KCNC2: variants seen among roughly 807,000 people sequenced by gnomAD.
The protein encoded by KCNC2 is potassium voltage-gated channel subfamily C member 2.
Under a neutral mutation model 44.5 loss-of-function variants are expected in KCNC2, and 21 were observed. The ratio of observed to expected loss-of-function variants is 0.47; its 90% CI spans 0.33 to 0.68. The LOEUF (loss-of-function observed/expected upper bound fraction) is 0.68, where lower values mean the gene tolerates loss of function less well. KCNC2 is among the 30% of genes least tolerant of loss of function. The probability of loss-of-function intolerance (pLI) is 0.01; values close to 1 mark genes in which losing one functional copy is unlikely to be tolerated. For synonymous variants in KCNC2, 391 were observed against 339.1 expected (o/e 1.15, Z -1.68); for missense variants, 589 against 826.2 (o/e 0.71, Z 3.52).
chr12:75,203,126 T>C (rs1236031451), intron 2 of KCNC2, among the ~76,000 whole-genome samples: 1 of 151,822 alleles, frequency 6.6e-6, no homozygotes, highest in African/African-American at 2.4e-5. Flanking sequence ...ACTTAATACA[T>C]TTTCTTCCTT....
chr12:75,138,853 C>T (rs1363629962), intron 2 of KCNC2, among the ~76,000 whole-genome samples: 5 of 151,586 alleles, frequency 3.3e-5, no homozygotes, highest in African/African-American at 9.7e-5. Flanking sequence ...TGGTGGCGGA[C>T]GCCTGTAGTC....
intron 2 of KCNC2, among the ~76,000 whole-genome samples, chr12:75,100,036 G>A (rs1450390851): frequency 1.3e-5 from 2 of 152,222 alleles, no homozygotes; most frequent in African/African-American, 2.4e-5. Context: ...AAGAAATACA[G>A]TTCTCCTGAG....
chr12:75,138,962 C>G (rs1592950164), intron 2 of KCNC2, among the ~76,000 whole-genome samples: 1 of 106,818 alleles, frequency 9.4e-6, no homozygotes. Flanking sequence ...GCCTGGGCCA[C>G]AGAGCGAGAC....
At chr12:75,165,861 C>T (rs954000524) in intron 2 of KCNC2, among the ~76,000 whole-genome samples, 7 of 151,418 alleles carry the variant, frequency 4.6e-5, no homozygotes, top group African/African-American at 1.5e-4. Flanking sequence ...ATCCAACAGG[C>T]TAGCCATTGC....
intron 4 of KCNC2, 110 bp downstream of exon 4, chr12:75,048,043 G>A: frequency 1.1e-6 from 1 of 930,078 alleles, no homozygotes; most frequent in Non-Finnish European, 1.7e-6. Flanking sequence ...AAAGAGCACT[G>A]TACGCAGTCT....
intron 2 of KCNC2, among the ~76,000 whole-genome samples, chr12:75,186,155 C>A (rs537209393): frequency 1.3e-5 from 2 of 151,390 alleles, no homozygotes; most frequent in Non-Finnish European, 3.0e-5. Context: ...TTACATAATA[C>A]AAAAGAGTCT....
At chr12:75,125,657 G>A (rs1888367180) in intron 2 of KCNC2, among the ~76,000 whole-genome samples, 1 of 152,140 alleles carries the variant, frequency 6.6e-6, no homozygotes, top group Admixed American at 6.5e-5. Flanking sequence ...TTTTTGCGAG[G>A]TAATTAGCTA....
intron 2 of KCNC2, among the ~76,000 whole-genome samples, chr12:75,171,256 T>C (rs924727322): frequency 2.6e-5 from 4 of 151,802 alleles, no homozygotes; most frequent in Non-Finnish European, 4.4e-5. Flanking sequence ...TGCCAGGTAA[T>C]GTAACCTAAT....
At chr12:75,121,542 G>T (rs1376413494) in intron 2 of KCNC2, among the ~76,000 whole-genome samples, 1 of 152,212 alleles carries the variant, frequency 6.6e-6, no homozygotes, top group East Asian at 1.9e-4. Context: ...GGAAGTGATT[G>T]CCTTTGTCAC....
chr12:75,074,072 A>T (rs1389994419), intron 2 of KCNC2, among the ~76,000 whole-genome samples: 2 of 152,126 alleles, frequency 1.3e-5, no homozygotes, highest in African/African-American at 4.8e-5. Context: ...AGAATAATAA[A>T]TAAAAAGTAG....
At chr12:75,129,990 G>T (rs1020819354) in intron 2 of KCNC2, among the ~76,000 whole-genome samples, 3 of 152,138 alleles carry the variant, frequency 2.0e-5, no homozygotes, top group Non-Finnish European at 4.4e-5. Context: ...CCCATAATAT[G>T]CCAGCCTTTA....
intron 2 of KCNC2, among the ~76,000 whole-genome samples, chr12:75,180,423 ATT>A (rs1463971813): frequency 6.6e-6 from 1 of 151,820 alleles, no homozygotes; most frequent in African/African-American, 2.4e-5. Flanking sequence ...AAACAAATGA[ATT>A]TGATATGCAC....
chr12:75,157,985 C>A (rs1232313778), intron 2 of KCNC2, among the ~76,000 whole-genome samples: 1 of 151,794 alleles, frequency 6.6e-6, no homozygotes, highest in Admixed American at 6.6e-5. Flanking sequence ...AAGTCATTTG[C>A]GGCAGGTCAC....
intron 4 of KCNC2, 123 bp downstream of exon 4, chr12:75,048,030 G>T: frequency 1.2e-6 from 1 of 802,526 alleles, no homozygotes; most frequent in East Asian, 2.7e-5. Flanking sequence ...AATGAAGAGA[G>T]GAAAAGAGCA....
At position 75,149,441 on chromosome 12, in the gene KCNC2, A is replaced by C. The variant is rs1027021401; in HGVS notation, c.687+57856T>G. 2.6e-5 allele frequency among the ~76,000 whole-genome samples: 4 copies of C among 151,848 alleles called. No individual in the cohort carries two copies. The East Asian group carries it at 7.7e-4, about 29-fold the overall frequency. On this transcript the variant is annotated intron_variant, in intron 2 of 4. Coordinates refer to ENST00000549446, the MANE Select transcript of KCNC2 (RefSeq NM_139137.4). ...GTAACCTGATAAAAATCAAGAAACT[A>C]TATACCATTTTAAATGTGAATAAAA...
chr12:75,160,244 T>C (rs11180383), intron 2 of KCNC2, among the ~76,000 whole-genome samples: 3,800 of 151,896 alleles, frequency 0.025, 176 homozygotes, highest in African/African-American at 0.085. Context: ...GGAAAGACCC[T>C]GTGAGAATAC....
chr12:75,133,386 C>T (rs1005408690), intron 2 of KCNC2, among the ~76,000 whole-genome samples: 3 of 150,690 alleles, frequency 2.0e-5, no homozygotes, highest in African/African-American at 4.9e-5. Context: ...ACATATATCC[C>T]GTAAATATAT....
intron 2 of KCNC2, among the ~76,000 whole-genome samples, chr12:75,090,660 T>C (rs1885398150): frequency 6.6e-6 from 1 of 151,744 alleles, no homozygotes. Flanking sequence ...TATAAATCCA[T>C]GTCTTTGTGA....
chr12:75,083,916 CA>C (rs1256558839), intron 2 of KCNC2, among the ~76,000 whole-genome samples: 1 of 151,854 alleles, frequency 6.6e-6, no homozygotes. Flanking sequence ...TCAATAAACT[CA>C]AGGAATACAT....
Sources: gnomAD v4.1 joint callset for allele counts (sites outside exome capture counted in the v4.1 genomes callset) on GRCh38, gnomAD v4.1.1 for gene constraint, MANE v1.5 for transcripts, NCBI Gene and HGNC (gene_info 2026-07-23, HGNC 2026-07-21) for gene names.